Variants in DOP1B observed in about 807,000 individuals in gnomAD.
DOP1B encodes protein DOP1B.
In DOP1B, 174 loss-of-function variants were observed where a neutral mutation model predicts 233.5. That is an observed-to-expected ratio of 0.75 (90% CI 0.66 to 0.85). The LOEUF (loss-of-function observed/expected upper bound fraction) is 0.85, where lower values mean the gene tolerates loss of function less well. Ranked by LOEUF, DOP1B falls within the 40% of genes least tolerant of loss-of-function variation. DOP1B has a pLI of 0.00. For synonymous variants in DOP1B, 1,190 were observed against 1,185.6 expected (o/e 1.00, Z -0.08); for missense variants, 2,652 against 2,846.6 (o/e 0.93, Z 1.56).
chr21:36,167,934 CTTTTTCTTTTTT>C (rs1401617241), intron 2 of DOP1B, among the ~76,000 whole-genome samples: 106 of 75,406 alleles, frequency 1.4e-3, no homozygotes, highest in African/African-American at 4.3e-3. Flanking sequence ...CTTTTCTTTT[CTTTTTCTTTTTT>C]TTTTTTTTTT....
Position 36,200,454 on chromosome 21 carries a change from C to G in DOP1B, c.444C>G (p.Ile148Met). 2.5e-6 allele frequency: 4 copies of G among 1,613,046 alleles called. No homozygotes were observed. The South Asian group carries it at 4.4e-5, about 18-fold the overall frequency. The change falls in exon 4 of 37, where the codon ATC (isoleucine) becomes ATG (methionine). Residue 148 changes from isoleucine to methionine, a missense_variant. Ile to Met is a conservative substitution (Grantham distance 10). Transcript: ENST00000691173. ...TCCTGCCCAGTCTGCAGGCCTTCAT[C>G]GTGGGCCTGCTGCCCGGCCTTGAAG... ...KLLLPSLQAF[I>M]VGLLPGLEEG... is the part of the protein sequence containing the mutation.
chr21:36,260,070 C>T (rs999732256), intron 23 of DOP1B, among the ~76,000 whole-genome samples: 2 of 150,690 alleles, frequency 1.3e-5, no homozygotes, highest in East Asian at 1.9e-4. Context: ...GCACGAGGAT[C>T]GCTTGAACCT....
chr21:36,267,012 C>T (rs760466124), intron 26 of DOP1B, among the ~76,000 whole-genome samples: 50 of 152,328 alleles, frequency 3.3e-4, no homozygotes, highest in South Asian at 2.7e-3. Context: ...CCTTCTCTCA[C>T]CCAGCAGGCA....
At chr21:36,201,890 G>A (rs912633452) in intron 4 of DOP1B, among the ~76,000 whole-genome samples, 11 of 152,012 alleles carry the variant, frequency 7.2e-5, no homozygotes, top group African/African-American at 2.4e-4. Context: ...AATCTGTTCC[G>A]ACTATTGAGT....
At position 36,208,783 on chromosome 21, in the gene DOP1B, G is replaced by T. The variant is rs752927253; in HGVS notation, c.560G>T (p.Gly187Val). The change falls in exon 5 of 37, where the codon GGG becomes GTG. Residue 187 changes from glycine (G) to valine (V), a missense_variant. Transcript: ENST00000691173. ...GAGGTGTTTTACACCGCCCTCTGGG[G>T]GAGCGTCCTGGCCAGCCCGTCCATC... is the stretch of plus-strand genomic sequence containing the variant. Reference protein sequence around the residue: ...GKEVFYTALWGSVLASPSIRL... With the variant: ...GKEVFYTALWVSVLASPSIRL... The T allele has an allele frequency of 6.2e-7, 1 of 1,612,600 alleles. No homozygotes were observed. Among genetic ancestry groups the T allele is most frequent in the South Asian group, 1.1e-5 (1 of 90,872 alleles).
chr21:36,223,533 C>T (rs1160951302), intron 11 of DOP1B, among the ~76,000 whole-genome samples, 183 bp downstream of exon 11: 1 of 152,170 alleles, frequency 6.6e-6, no homozygotes, highest in African/African-American at 2.4e-5. Context: ...AGAATAAAAA[C>T]ATCTCCAATA....
chr21:36,199,018 T>C (rs2123468721), intron 2 of DOP1B, 52 bp from the exon 3 acceptor site: 1 of 1,574,390 alleles, frequency 6.4e-7, no homozygotes, highest in Non-Finnish European at 8.6e-7. Context: ...CACTCTCCAT[T>C]GTAAATATCG....
chr21:36,243,132 G>A (rs148249540), intron 18 of DOP1B, among the ~76,000 whole-genome samples: 4,449 of 151,760 alleles, frequency 0.029, 110 homozygotes, highest in South Asian at 0.046. Flanking sequence ...GGCACGCGCC[G>A]CCACGCCCAG....
At chr21:36,254,796 AC>A (rs1378420227) in intron 23 of DOP1B, among the ~76,000 whole-genome samples, 1 of 152,098 alleles carries the variant, frequency 6.6e-6, no homozygotes, top group Non-Finnish European at 1.5e-5. Flanking sequence ...TTTGAAGAGG[AC>A]TGGTGTCCCC....
intron 26 of DOP1B, among the ~76,000 whole-genome samples, chr21:36,268,477 T>A (rs1485534657): frequency 6.6e-6 from 1 of 152,182 alleles, no homozygotes; most frequent in Non-Finnish European, 1.5e-5. Context: ...CGTTTTACAA[T>A]CAATTTGTAC....
At chr21:36,220,266 G>A (rs558868849) in intron 10 of DOP1B, among the ~76,000 whole-genome samples, 15 of 151,954 alleles carry the variant, frequency 9.9e-5, no homozygotes, top group Non-Finnish European at 1.6e-4. Context: ...GAATGAAAGC[G>A]GTTTATTGTT....
chr21:36,161,108 A>G (rs953786045), intron 1 of DOP1B, among the ~76,000 whole-genome samples: 1 of 150,550 alleles, frequency 6.6e-6, no homozygotes, highest in African/African-American at 2.5e-5. Context: ...TGTTGAGCAG[A>G]TGGAATTGAG....
At chr21:36,260,002 C>CT (rs1026986271) in intron 23 of DOP1B, among the ~76,000 whole-genome samples, 6 of 151,952 alleles carry the variant, frequency 3.9e-5, no homozygotes, top group African/African-American at 1.4e-4. Flanking sequence ...GAGTCATCTT[C>CT]TAAACTAAGA....
Position 36,284,829 on chromosome 21 carries a change from A to G in DOP1B, c.6161-3185A>G, listed in dbSNP as rs571349606. Among the ~76,000 whole-genome samples the G allele has an allele frequency of 2.7e-5, 4 of 150,786 alleles. No individual in the cohort carries two copies. In the East Asian group the frequency reaches 7.8e-4, roughly 29 times the overall value. ...ATAAAAAACATGTTTTACATAATAT[A>G]TTAATATGTTATATAATTATATGAC... On this transcript the variant is annotated intron_variant, in intron 32 of 36. Coordinates refer to ENST00000691173, the MANE Select transcript of DOP1B (RefSeq NM_001320714.2).
At chr21:36,284,520 C>T (rs940875678) in intron 32 of DOP1B, among the ~76,000 whole-genome samples, 7 of 148,454 alleles carry the variant, frequency 4.7e-5, no homozygotes, top group Non-Finnish European at 8.9e-5. Context: ...CCACCTGCCT[C>T]GGCCTCCCAA....
chr21:36,265,633 C>T (rs1601464487), intron 26 of DOP1B, among the ~76,000 whole-genome samples: 2 of 152,238 alleles, frequency 1.3e-5, no homozygotes, highest in African/African-American at 4.8e-5. Flanking sequence ...ACAGGCATTC[C>T]CTCCGTTGTT....
intron 13 of DOP1B, among the ~76,000 whole-genome samples, chr21:36,229,701 G>A (rs1394839480): frequency 3.7e-5 from 5 of 135,804 alleles, no homozygotes; most frequent in African/African-American, 5.7e-5. Flanking sequence ...TCTCTCTGTC[G>A]CCCAGGCTGG....
At chr21:36,270,857 G>A (rs2067280032) in intron 27 of DOP1B, among the ~76,000 whole-genome samples, 1 of 149,474 alleles carries the variant, frequency 6.7e-6, no homozygotes. Context: ...AGGTTGCAGT[G>A]AGCCAAGATT....
intron 2 of DOP1B, among the ~76,000 whole-genome samples, chr21:36,192,220 G>A (rs775527174): frequency 5.8e-4 from 88 of 152,074 alleles, no homozygotes; most frequent in Non-Finnish European, 8.7e-4. Context: ...TCAGCCAGGC[G>A]TGGTGGTATA....
Sources: gnomAD v4.1 joint callset for allele counts (sites outside exome capture counted in the v4.1 genomes callset) on GRCh38, gnomAD v4.1.1 for gene constraint, MANE v1.5 for transcripts, NCBI Gene and HGNC (gene_info 2026-07-23, HGNC 2026-07-21) for gene names.